The following GADL1 variants were observed in gnomAD, a reference collection of about 807,000 sequenced individuals.
The protein encoded by GADL1 is GAD like acidic amino acid decarboxylase 1, also known as acidic amino acid decarboxylase GADL1.
A neutral mutation model predicts 69.5 loss-of-function variants in GADL1; 71 were observed. The ratio of observed to expected loss-of-function variants is 1.02; its 90% CI spans 0.84 to 1.25. The LOEUF (loss-of-function observed/expected upper bound fraction) is 1.25. Ranked by LOEUF, GADL1 falls within the 50% of genes most tolerant of loss-of-function variation. The probability of loss-of-function intolerance (pLI) is 0.00; values close to 1 mark genes in which losing one functional copy is unlikely to be tolerated. For missense variants in GADL1, 737 were observed against 631.8 expected, an observed-to-expected ratio of 1.17 and a Z score of -1.79; for synonymous variants, 254 against 214.4, an observed-to-expected ratio of 1.18 and a Z score of -1.62.
chr3:30,886,201 C>A (rs1177258473), intron 1 of GADL1, among the ~76,000 whole-genome samples: 1 of 152,102 alleles, frequency 6.6e-6, no homozygotes, highest in Admixed American at 6.5e-5. Context: ...AAGAACTGTA[C>A]TTGATCGCCT....
chr3:30,802,280 G>A (rs1046283497), intron 11 of GADL1, among the ~76,000 whole-genome samples: 5 of 152,142 alleles, frequency 3.3e-5, no homozygotes, highest in Non-Finnish European at 7.4e-5. Flanking sequence ...TTGGGAGCAG[G>A]AATCATTTCC....
intron 6 of GADL1, among the ~76,000 whole-genome samples, chr3:30,848,771 AATCT>A (rs999470320): frequency 3.9e-5 from 6 of 152,202 alleles, no homozygotes; most frequent in African/African-American, 1.4e-4. Flanking sequence ...TATTTTAAAA[AATCT>A]ATTATATCCC....
At chr3:30,863,029 A>T (rs4955347) in intron 1 of GADL1, among the ~76,000 whole-genome samples, 22,490 of 123,652 alleles carry the variant, frequency 0.18, 1,771 homozygotes, top group East Asian at 0.3. Flanking sequence ...TGTCTGTTTC[A>T]CACACACACA....
chr3:30,869,642 T>C (rs1180289916), intron 1 of GADL1, among the ~76,000 whole-genome samples: 1 of 151,788 alleles, frequency 6.6e-6, no homozygotes, highest in East Asian at 1.9e-4. Context: ...TTATTTTTTT[T>C]TGAAAAGAGC....
At chr3:30,858,935 T>G (rs1698273512) in intron 2 of GADL1, among the ~76,000 whole-genome samples, 1 of 151,896 alleles carries the variant, frequency 6.6e-6, no homozygotes, top group Non-Finnish European at 1.5e-5. Flanking sequence ...AAGAGTTTAG[T>G]GCTACCATAA....
chr3:30,862,238 C>T (rs1311699684), intron 1 of GADL1, among the ~76,000 whole-genome samples: 1 of 151,868 alleles, frequency 6.6e-6, no homozygotes, highest in Non-Finnish European at 1.5e-5. Flanking sequence ...AAGTGATTTC[C>T]CTAATCCTTT....
chr3:30,821,155 C>T, intron 11 of GADL1, among the ~76,000 whole-genome samples: 1 of 151,960 alleles, frequency 6.6e-6, no homozygotes, highest in East Asian at 1.9e-4. Flanking sequence ...AGGGGAACAT[C>T]ACACTCTGGG....
chr3:30,893,258 T>C (rs1698809265), intron 1 of GADL1, among the ~76,000 whole-genome samples: 1 of 152,214 alleles, frequency 6.6e-6, no homozygotes, highest in African/African-American at 2.4e-5. Context: ...TCTTTTTAAG[T>C]TTTATTGTTT....
At chr3:30,769,774 A>AT (rs966474107) in intron 14 of GADL1, among the ~76,000 whole-genome samples, 1 of 152,324 alleles carries the variant, frequency 6.6e-6, no homozygotes. Flanking sequence ...ATCTGACAGT[A>AT]TGAGACCGTT....
chr3:30,763,054 C>G (rs1559491824), intron 14 of GADL1, among the ~76,000 whole-genome samples: 1 of 152,138 alleles, frequency 6.6e-6, no homozygotes, highest in Non-Finnish European at 1.5e-5. Flanking sequence ...GTTATCTCTT[C>G]CATATACTGA....
intron 1 of GADL1, among the ~76,000 whole-genome samples, chr3:30,879,334 C>T (rs775215732): frequency 9.9e-5 from 15 of 151,866 alleles, no homozygotes; most frequent in Non-Finnish European, 2.2e-4. Context: ...TGCCTTCATC[C>T]TCATCAGAGA....
At chr3:30,886,905 A>T (rs976404209) in intron 1 of GADL1, among the ~76,000 whole-genome samples, 1 of 139,336 alleles carries the variant, frequency 7.2e-6, no homozygotes, top group African/African-American at 3.4e-5. Context: ...TTTCTACTTA[A>T]TAATGATAAT....
intron 14 of GADL1, among the ~76,000 whole-genome samples, chr3:30,741,621 C>T (rs970071956): frequency 6.6e-6 from 1 of 152,088 alleles, no homozygotes; most frequent in Admixed American, 6.6e-5. Flanking sequence ...TCCTAGAGGA[C>T]ATCCAGAAGT....
intron 4 of GADL1, among the ~76,000 whole-genome samples, chr3:30,851,862 G>A (rs546975263): frequency 6.6e-6 from 1 of 152,140 alleles, no homozygotes; most frequent in African/African-American, 2.4e-5. Flanking sequence ...CTTAATAAAC[G>A]TCCCACTCAC....
intron 11 of GADL1, among the ~76,000 whole-genome samples, chr3:30,828,781 A>G (rs1697736049): frequency 6.6e-6 from 1 of 151,954 alleles, no homozygotes; most frequent in East Asian, 1.9e-4. Flanking sequence ...ATGTACACAC[A>G]TATGCACATA....
In GADL1 at chr3:30,854,007, C is replaced by T. The variant is rs9818776; in HGVS notation, c.428+692G>A. ...ATATGTCTGGCTTCTATCTCTCTCT[C>T]TCTTTCTCTAGTCTTATTCTCCACT... On this transcript the variant is annotated intron_variant, in intron 4 of 14. Transcript: ENST00000282538. Among the ~76,000 whole-genome samples, 307 of 152,178 alleles carry T rather than the reference C, an allele frequency of 2.0e-3. 1 individual carries two copies. The highest frequency in any genetic ancestry group is 7.1e-3 in the African/African-American group (295 of 41,552).
chr3:30,755,511 G>GGGGGA (rs1237788591), intron 14 of GADL1, among the ~76,000 whole-genome samples: 11 of 152,168 alleles, frequency 7.2e-5, no homozygotes, highest in Non-Finnish European at 1.3e-4. Flanking sequence ...CTCCCCCTAA[G>GGGGGA]GAATTTCTTG....
Position 30,728,067 on chromosome 3 carries a change from G to T in GADL1, c.*175C>A. 1 of 515,574 alleles carries T rather than the reference G, an allele frequency of 1.9e-6. No individual in the cohort carries two copies. The highest frequency in any genetic ancestry group is 3.9e-5 in the South Asian group (1 of 25,896). The allele number at this position is 515,574 out of a possible 1,614,324, so 31.9% of individuals were successfully genotyped here. ...TTCTTTTAGCAACAGTAATGCCCAG[G>T]CAGCTAGAGAGTCCTTAATATTCAT... is the stretch of plus-strand genomic sequence containing the variant. On this transcript the variant is annotated 3_prime_UTR_variant, in exon 15 of 15. Transcript: ENST00000282538.
At chr3:30,894,472 T>G in intron 1 of GADL1, 106 bp downstream of exon 1, 1 of 903,052 alleles carries the variant, frequency 1.1e-6, no homozygotes, top group Non-Finnish European at 1.7e-6. Context: ...CCCAGCCGCT[T>G]TACAAAGAAA....
Sources: allele counts gnomAD v4.1 joint callset (sites outside exome capture counted in the v4.1 genomes callset), GRCh38; gene constraint gnomAD v4.1.1; transcripts MANE v1.5; gene names NCBI Gene and HGNC (gene_info 2026-07-23, HGNC 2026-07-21).